Variants in MYO1D observed in about 807,000 individuals in gnomAD.
MYO1D encodes myosin ID, also known as unconventional myosin-Id.
A neutral mutation model predicts 122.0 loss-of-function variants in MYO1D; 83 were observed. The observed-to-expected ratio is 0.68, with a 90% confidence interval of 0.57 to 0.82. The LOEUF (loss-of-function observed/expected upper bound fraction) is 0.82, where lower values mean the gene tolerates loss of function less well. MYO1D is among the 40% of genes least tolerant of loss of function. The pLI, the probability that MYO1D is intolerant of heterozygous loss-of-function variation, is 0.00. For missense variants in MYO1D, 1,157 were observed against 1,269.5 expected, an observed-to-expected ratio of 0.91 and a Z score of 1.35; for synonymous variants, 464 against 446.9, an observed-to-expected ratio of 1.04 and a Z score of -0.48.
chr17:32,615,481 T>C (rs1490704973), intron 20 of MYO1D, among the ~76,000 whole-genome samples: 2 of 151,932 alleles, frequency 1.3e-5, no homozygotes, highest in African/African-American at 2.4e-5. Flanking sequence ...ATGAAAAAAA[T>C]GTGAGAGGAG....
At chr17:32,666,495 GCC>G (rs2088637155) in intron 16 of MYO1D, among the ~76,000 whole-genome samples, 1 of 152,154 alleles carries the variant, frequency 6.6e-6, no homozygotes, top group Admixed American at 6.5e-5. Flanking sequence ...GTTTCATAAT[GCC>G]ATCTTAATTC....
Position 32,654,582 on chromosome 17 carries a change from T to C in MYO1D, c.2385A>G (p.Ser795=), listed in dbSNP as rs1477908133. The part of the protein sequence containing the change: ...ASQLIKSIPA[S]DLPQVRAKVA... ...CCTTTGCCCTGACCTGGGGCAGGTCTGAGGCCGGAATGCTCTTGATGAGCT... is the reference window on the plus strand; with the variant it reads ...CCTTTGCCCTGACCTGGGGCAGGTCCGAGGCCGGAATGCTCTTGATGAGCT... The change falls in exon 18 of 22, where the codon TCA becomes TCG. Residue 795 remains serine, a synonymous_variant. Coordinates refer to ENST00000318217, the MANE Select transcript of MYO1D (RefSeq NM_015194.3). 1.9e-6 allele frequency: 3 copies of C among 1,613,744 alleles called. No individual in the cohort carries two copies. The East Asian group carries it at 6.7e-5, about 36-fold the overall frequency.
intron 21 of MYO1D, among the ~76,000 whole-genome samples, chr17:32,554,242 C>T (rs2150886426): frequency 6.6e-6 from 1 of 152,206 alleles, no homozygotes; most frequent in Middle Eastern, 3.4e-3. Flanking sequence ...AGAATCACTG[C>T]ACATAGTGAG....
At chr17:32,805,316 G>A (rs1053054820) in intron 1 of MYO1D, among the ~76,000 whole-genome samples, 3 of 152,026 alleles carry the variant, frequency 2.0e-5, no homozygotes, top group Non-Finnish European at 4.4e-5. Context: ...AAGACATTAG[G>A]GAAATAAAAA....
intron 14 of MYO1D, among the ~76,000 whole-genome samples, chr17:32,732,600 C>G (rs1011809682): frequency 1.3e-5 from 2 of 152,172 alleles, no homozygotes; most frequent in East Asian, 3.9e-4. Context: ...GAGGAGCTAC[C>G]CACTGAGATT....
At chr17:32,506,205 T>A (rs891588677) in intron 21 of MYO1D, among the ~76,000 whole-genome samples, 1 of 152,142 alleles carries the variant, frequency 6.6e-6, no homozygotes, top group East Asian at 1.9e-4. Flanking sequence ...TGAGGTACAA[T>A]GAGGAGCAAA....
chr17:32,594,449 A>G (rs982896664), intron 21 of MYO1D: 11 of 468,878 alleles, frequency 2.3e-5, no homozygotes, highest in Middle Eastern at 2.8e-4. Context: ...ATAATTGAAC[A>G]CTTTTGTTTG....
intron 16 of MYO1D, among the ~76,000 whole-genome samples, chr17:32,708,261 T>A (rs2934231): frequency 1 from 152,335 of 152,336 alleles, 76,167 homozygotes; most frequent in Non-Finnish European, 1. Flanking sequence ...TTTATATTAT[T>A]TTAGATATGT....
In MYO1D at chr17:32,864,799, T is replaced by C. The variant is rs1278156296; in HGVS notation, c.95+11979A>G. On this transcript the variant is annotated intron_variant, in intron 1 of 21. Coordinates refer to ENST00000318217, the MANE Select transcript of MYO1D (RefSeq NM_015194.3). ...GAAGTACTATGCATTTATTTGTTTA[T>C]TCCGTGATAGAGGTGAAAGTATTTT... Among the ~76,000 whole-genome samples the C allele has an allele frequency of 2.0e-5, 3 of 152,224 alleles. No individual in the cohort carries two copies. The East Asian group carries it at 5.8e-4, about 29-fold the overall frequency.
chr17:32,532,116 G>T (rs950420959), intron 21 of MYO1D, among the ~76,000 whole-genome samples: 1 of 152,204 alleles, frequency 6.6e-6, no homozygotes, highest in African/African-American at 2.4e-5. Flanking sequence ...TGGCTGCTGA[G>T]AATTCAGCTG....
chr17:32,581,471 GTTCC>G (rs978137529), intron 21 of MYO1D, among the ~76,000 whole-genome samples: 5 of 150,926 alleles, frequency 3.3e-5, no homozygotes, highest in South Asian at 4.2e-4. Flanking sequence ...TATTTTTCTA[GTTCC>G]TTCCTTCCTT....
intron 16 of MYO1D, among the ~76,000 whole-genome samples, chr17:32,683,308 G>A (rs1239131003): frequency 6.6e-6 from 1 of 152,182 alleles, no homozygotes; most frequent in East Asian, 1.9e-4. Flanking sequence ...GTGTTCCTTT[G>A]GAGGAGGAGA....
At chr17:32,676,860 G>GA (rs1422476456) in intron 16 of MYO1D, among the ~76,000 whole-genome samples, 1 of 147,512 alleles carries the variant, frequency 6.8e-6, no homozygotes, top group Non-Finnish European at 1.5e-5. Flanking sequence ...GCCCAGACTG[G>GA]AGTGCAGTGG....
chr17:32,729,149 C>T (rs1240382415), intron 14 of MYO1D, among the ~76,000 whole-genome samples: 1 of 151,988 alleles, frequency 6.6e-6, no homozygotes, highest in Admixed American at 6.5e-5. Context: ...TGAACTTTTT[C>T]ACCTGTCTCT....
intron 20 of MYO1D, 44 bp downstream of exon 20, chr17:32,638,678 C>G (rs763138265): frequency 1.2e-5 from 16 of 1,383,454 alleles, no homozygotes; most frequent in East Asian, 1.1e-4. Flanking sequence ...TCCATGAGCA[C>G]CAGGTTAAGA....
At position 32,712,160 on chromosome 17, in the gene MYO1D, T is replaced by A; in HGVS notation, c.1949A>T (p.His650Leu). 1 of 1,613,952 alleles carries A rather than the reference T, an allele frequency of 6.2e-7. No individual in the cohort carries two copies. Among genetic ancestry groups the A allele is most frequent in the Non-Finnish European group, 8.5e-7 (1 of 1,179,956 alleles). ...AGCCTCTTTGTCTGAAGGAAGGTCA[T>A]GGTTGGGCCAGGTGAATTCAGAGAT... ...KMISEFTWPN[H>L]DLPSDKEAVK... is the part of the protein sequence containing the mutation. Residue 650 changes from histidine (H) to leucine (L), a missense_variant, in exon 16 of 22, where the codon CAT (histidine) becomes CTT (leucine). Physicochemically the swap from His to Leu is moderately conservative, Grantham distance 99. Transcript: ENST00000318217.
At chr17:32,543,469 G>A (rs1013707717) in intron 21 of MYO1D, among the ~76,000 whole-genome samples, 1 of 151,012 alleles carries the variant, frequency 6.6e-6, no homozygotes, top group Non-Finnish European at 1.5e-5. Flanking sequence ...CCAGCTTCTC[G>A]GGAGGCTGAG....
At chr17:32,829,872 C>T (rs985007009) in intron 1 of MYO1D, among the ~76,000 whole-genome samples, 8 of 152,106 alleles carry the variant, frequency 5.3e-5, no homozygotes, top group African/African-American at 1.2e-4. Flanking sequence ...TATCATAAAT[C>T]GGTCTCTCCA....
chr17:32,745,144 C>A, intron 13 of MYO1D, 67 bp downstream of exon 13: 1 of 855,766 alleles, frequency 1.2e-6, no homozygotes, highest in South Asian at 1.6e-5. Context: ...ATAAATATAA[C>A]CATGTGCATA....
Sources: allele counts gnomAD v4.1 joint callset (sites outside exome capture counted in the v4.1 genomes callset), GRCh38; gene constraint gnomAD v4.1.1; transcripts MANE v1.5; gene names NCBI Gene and HGNC (gene_info 2026-07-23, HGNC 2026-07-21).